The following ARHGAP18 variants were observed in gnomAD, a reference collection of about 807,000 sequenced individuals.
ARHGAP18 encodes rho GTPase-activating protein 18.
In ARHGAP18, 67 loss-of-function variants were observed where a neutral mutation model predicts 86.2. That is an observed-to-expected ratio of 0.78 (90% CI 0.64 to 0.95). ARHGAP18 has a LOEUF of 0.95. Ranked by LOEUF, ARHGAP18 falls within the 40% of genes least tolerant of loss-of-function variation. The pLI is 0.00. For synonymous variants in ARHGAP18, 283 were observed against 280.4 expected, an observed-to-expected ratio of 1.01 and a Z score of -0.09; for missense variants, 691 against 780.4, an observed-to-expected ratio of 0.89 and a Z score of 1.37.
At chr6:129,608,763 A>C (rs1464543342) in intron 8 of ARHGAP18, among the ~76,000 whole-genome samples, 1 of 152,218 alleles carries the variant, frequency 6.6e-6, no homozygotes, top group Non-Finnish European at 1.5e-5. Context: ...ACTATATATA[A>C]ATCCTATCAC....
chr6:129,620,992 A>G (rs572150834), intron 5 of ARHGAP18, among the ~76,000 whole-genome samples: 4 of 152,356 alleles, frequency 2.6e-5, no homozygotes, highest in Admixed American at 6.5e-5. Flanking sequence ...CAGACTCACT[A>G]AAATTAAAAC....
intron 5 of ARHGAP18, among the ~76,000 whole-genome samples, chr6:129,628,976 G>T (rs549970928): frequency 3.9e-5 from 6 of 152,002 alleles, no homozygotes; most frequent in Non-Finnish European, 8.8e-5. Flanking sequence ...AGAAAAAGAG[G>T]TTATAAAATA....
chr6:129,593,346 A>G (rs1788555857), intron 12 of ARHGAP18, among the ~76,000 whole-genome samples: 1 of 152,086 alleles, frequency 6.6e-6, no homozygotes, highest in Non-Finnish European at 1.5e-5. Context: ...CTGTAGTCCC[A>G]GCTACTCATG....
At chr6:129,602,159 G>A (rs550840059) in intron 10 of ARHGAP18, among the ~76,000 whole-genome samples, 50 of 152,152 alleles carry the variant, frequency 3.3e-4, no homozygotes, top group African/African-American at 1.1e-3. Flanking sequence ...AACTATAACT[G>A]CACAGGTATT....
At position 129,691,924 on chromosome 6, in the gene ARHGAP18, A is replaced by G. The variant is rs148040338; in HGVS notation, c.113+18100T>C. On this transcript the variant is annotated intron_variant, in intron 1 of 14. Transcript: ENST00000368149. ...TTCTCCAGTCCTTGGCTGTTCTTGCAAGCCACCTCCATTGCCAGGAGTGCC... is the reference window on the plus strand; with the variant it reads ...TTCTCCAGTCCTTGGCTGTTCTTGCGAGCCACCTCCATTGCCAGGAGTGCC... Among the ~76,000 whole-genome samples, 952 of 152,272 alleles carry G rather than the reference A, an allele frequency of 6.3e-3. 14 individuals carry two copies. Among genetic ancestry groups the G allele is most frequent in the African/African-American group, 0.022 (910 of 41,548 alleles).
At chr6:129,612,534 G>A (rs1441316051) in intron 7 of ARHGAP18, among the ~76,000 whole-genome samples, 1 of 151,846 alleles carries the variant, frequency 6.6e-6, no homozygotes, top group Non-Finnish European at 1.5e-5. Context: ...ATGCCCTAAG[G>A]CATAAAATCT....
chr6:129,608,575 C>T (rs749185080), intron 8 of ARHGAP18, among the ~76,000 whole-genome samples: 2 of 152,116 alleles, frequency 1.3e-5, no homozygotes, highest in Non-Finnish European at 2.9e-5. Flanking sequence ...GAAAATACAT[C>T]AATATACCTG....
chr6:129,646,351 G>C (rs889307126), intron 1 of ARHGAP18, among the ~76,000 whole-genome samples: 2 of 152,052 alleles, frequency 1.3e-5, no homozygotes, highest in Non-Finnish European at 2.9e-5. Context: ...CATGAAAAAG[G>C]TCCCCTAGGT....
At chr6:129,587,164 C>A (rs1179390787) in intron 12 of ARHGAP18, among the ~76,000 whole-genome samples, 1 of 151,982 alleles carries the variant, frequency 6.6e-6, no homozygotes. Context: ...AGAAAGTATG[C>A]CAAGGGGTAT....
chr6:129,645,637 G>C (rs13193932), intron 1 of ARHGAP18, among the ~76,000 whole-genome samples: 59,025 of 152,010 alleles, frequency 0.39, 11,928 homozygotes, highest in African/African-American at 0.49. Context: ...CCTTTTACAA[G>C]TATAATGACA....
At chr6:129,631,587 A>C (rs147509253) in intron 4 of ARHGAP18, among the ~76,000 whole-genome samples, 18 of 152,256 alleles carry the variant, frequency 1.2e-4, no homozygotes, top group African/African-American at 4.3e-4. Flanking sequence ...TTGGCTCTTA[A>C]GGTCCTAAAA....
Position 129,616,323 on chromosome 6 carries a change from A to T in ARHGAP18, c.953-20T>A. On this transcript the variant is annotated intron_variant, in intron 6 of 14. Coordinates refer to ENST00000368149, the MANE Select transcript of ARHGAP18 (RefSeq NM_033515.3). ...CAGAATCTGCAAGAAAAAAAATGAA[A>T]TTTCCTCACTTTTGTCAATCTATAA... The T allele has an allele frequency of 1.9e-6, 3 of 1,582,220 alleles. No homozygotes were observed. The Middle Eastern group carries it at 5.0e-4, about 264-fold the overall frequency.
chr6:129,655,067 G>A (rs1584092727), intron 1 of ARHGAP18, among the ~76,000 whole-genome samples: 1 of 152,022 alleles, frequency 6.6e-6, no homozygotes, highest in African/African-American at 2.4e-5. Flanking sequence ...ACGCCTGTAA[G>A]CCCAGCACTT....
chr6:129,646,168 G>A (rs1019849925), intron 1 of ARHGAP18, among the ~76,000 whole-genome samples: 2 of 152,136 alleles, frequency 1.3e-5, no homozygotes, highest in African/African-American at 4.8e-5. Context: ...GGAAACATAT[G>A]GAACTGGGAG....
intron 1 of ARHGAP18, among the ~76,000 whole-genome samples, chr6:129,692,369 C>T (rs1265118556): frequency 6.6e-6 from 1 of 152,124 alleles, no homozygotes; most frequent in East Asian, 1.9e-4. Flanking sequence ...AGAGTTCATT[C>T]ATATTTTCCT....
At chr6:129,687,582 G>C (rs1169276829) in intron 1 of ARHGAP18, among the ~76,000 whole-genome samples, 1 of 152,144 alleles carries the variant, frequency 6.6e-6, no homozygotes, top group Non-Finnish European at 1.5e-5. Context: ...CTTTGCTCTA[G>C]GAAAGCAGGC....
intron 1 of ARHGAP18, among the ~76,000 whole-genome samples, chr6:129,686,668 A>C (rs973146625): frequency 6.6e-6 from 1 of 152,142 alleles, no homozygotes. Context: ...CAACTATAGA[A>C]GTGTTTAAGT....
At chr6:129,611,341 C>G (rs1788975323) in intron 8 of ARHGAP18, among the ~76,000 whole-genome samples, 192 bp downstream of exon 8, 1 of 151,942 alleles carries the variant, frequency 6.6e-6, no homozygotes, top group Non-Finnish European at 1.5e-5. Flanking sequence ...GAAAACAAAA[C>G]AAAACAAAAA....
At chr6:129,626,726 A>G (rs1789483506) in intron 5 of ARHGAP18, among the ~76,000 whole-genome samples, 4 of 151,732 alleles carry the variant, frequency 2.6e-5, no homozygotes, top group Admixed American at 2.6e-4. Flanking sequence ...AAGAAAAACA[A>G]GTTTAAACCA....
Sources: gnomAD v4.1 joint callset for allele counts (sites outside exome capture counted in the v4.1 genomes callset) on GRCh38, gnomAD v4.1.1 for gene constraint, MANE v1.5 for transcripts, NCBI Gene and HGNC (gene_info 2026-07-23, HGNC 2026-07-21) for gene names.